PCDH15: variants seen among roughly 807,000 people sequenced by gnomAD.
PCDH15 encodes protocadherin related 15, also known as protocadherin-15.
Under a neutral mutation model 178.5 loss-of-function variants are expected in PCDH15, and 129 were observed. The observed-to-expected ratio is 0.72, with a 90% confidence interval of 0.63 to 0.84. The LOEUF (loss-of-function observed/expected upper bound fraction) is 0.84. PCDH15 is among the 40% of genes least tolerant of loss of function. PCDH15 has a pLI of 0.00. For synonymous variants in PCDH15, 800 were observed against 732.0 expected (o/e 1.09, Z -1.50); for missense variants, 2,230 against 2,099.9 (o/e 1.06, Z -1.21).
chr10:53,903,438 A>C lies in PCDH15; in HGVS notation c.3374-68T>G, dbSNP rs10740559. 1,108,181 of 1,576,390 alleles carry C rather than the reference A, an allele frequency of 0.7. 395,356 individuals carry two copies. Among genetic ancestry groups the C allele is most frequent in the East Asian group, 1 (44,350 of 44,394 alleles). On this transcript the variant is annotated intron_variant, in intron 25 of 37. Transcript: ENST00000644397. ...ATGGGGGAAAAAATGCACTGAAGTA[A>C]ATATTTGCTGCACTTTTTTTTGGAA...
intron 1 of PCDH15, among the ~76,000 whole-genome samples, chr10:54,695,211 A>G (rs945790597): frequency 3.3e-5 from 5 of 152,164 alleles, no homozygotes; most frequent in Admixed American, 1.3e-4. Flanking sequence ...AACTTAAAGT[A>G]TAAACAAAAC....
intron 5 of PCDH15, among the ~76,000 whole-genome samples, chr10:54,356,339 A>G (rs1944967527): frequency 6.6e-6 from 1 of 152,106 alleles, no homozygotes; most frequent in Non-Finnish European, 1.5e-5. Flanking sequence ...ATGAAAGTCA[A>G]GGAAGTATTG....
intron 8 of PCDH15, among the ~76,000 whole-genome samples, chr10:54,277,042 G>C (rs780025456): frequency 5.9e-5 from 9 of 151,324 alleles, no homozygotes; most frequent in Admixed American, 2.6e-4. Flanking sequence ...AATTCAGCAC[G>C]TTTTTTTTCC....
intron 2 of PCDH15, among the ~76,000 whole-genome samples, chr10:55,380,802 C>T (rs1163587922): frequency 6.6e-6 from 1 of 152,144 alleles, no homozygotes; most frequent in Non-Finnish European, 1.5e-5. Context: ...CTGCCAGCAT[C>T]CATGAAACTG....
intron 3 of PCDH15, among the ~76,000 whole-genome samples, chr10:54,837,660 T>G (rs1953340736): frequency 6.6e-6 from 1 of 151,836 alleles, no homozygotes; most frequent in African/African-American, 2.4e-5. Context: ...TATAATAGAG[T>G]GATGATGTCA....
At chr10:54,944,653 T>TA (rs1838148996) in intron 2 of PCDH15, among the ~76,000 whole-genome samples, 2 of 151,940 alleles carry the variant, frequency 1.3e-5, no homozygotes, top group African/African-American at 4.8e-5. Context: ...AAGAAGCATT[T>TA]AAAAAATTAT....
At chr10:54,328,438 A>C (rs1938659457) in intron 7 of PCDH15, among the ~76,000 whole-genome samples, 1 of 152,030 alleles carries the variant, frequency 6.6e-6, no homozygotes, top group Admixed American at 6.6e-5. Flanking sequence ...AAGAAAAGAA[A>C]AATGTTTTCA....
chr10:54,388,096 T>C (rs1176517319), intron 3 of PCDH15, among the ~76,000 whole-genome samples: 1 of 152,166 alleles, frequency 6.6e-6, no homozygotes, highest in Non-Finnish European at 1.5e-5. Flanking sequence ...ACCACTGAAC[T>C]GTACACTCAG....
At chr10:54,254,859 G>A (rs201517191) in intron 8 of PCDH15, among the ~76,000 whole-genome samples, 3 of 152,106 alleles carry the variant, frequency 2.0e-5, no homozygotes, top group Non-Finnish European at 4.4e-5. Flanking sequence ...TTTGCCCACC[G>A]GGTCTCTGGA....
chr10:54,925,228 G>T (rs1253466797), intron 2 of PCDH15, among the ~76,000 whole-genome samples: 1 of 151,982 alleles, frequency 6.6e-6, no homozygotes, highest in African/African-American at 2.4e-5. Context: ...TGCTTTTGTT[G>T]ACTTTGCTGA....
chr10:54,470,679 G>T (rs542853605), intron 3 of PCDH15, among the ~76,000 whole-genome samples: 1 of 152,206 alleles, frequency 6.6e-6, no homozygotes, highest in African/African-American at 2.4e-5. Flanking sequence ...GACCACTGGG[G>T]AGCATTTGCT....
At chr10:54,783,004 C>T (rs1421923894) in intron 1 of PCDH15, among the ~76,000 whole-genome samples, 1 of 152,032 alleles carries the variant, frequency 6.6e-6, no homozygotes, top group Non-Finnish European at 1.5e-5. Context: ...AAAAGCTACT[C>T]CATAAAATTG....
At chr10:55,578,511 G>C (rs1298130598) in intron 2 of PCDH15, among the ~76,000 whole-genome samples, 1 of 152,070 alleles carries the variant, frequency 6.6e-6, no homozygotes. Flanking sequence ...AAGCCACTGC[G>C]CCCGGCCTGA....
chr10:54,505,006 G>A (rs921863074), intron 3 of PCDH15, among the ~76,000 whole-genome samples: 8 of 152,002 alleles, frequency 5.3e-5, no homozygotes, highest in African/African-American at 9.7e-5. Flanking sequence ...CCAGCTGGTC[G>A]GTTCTGAGAT....
intron 6 of PCDH15, among the ~76,000 whole-genome samples, chr10:54,345,763 C>T (rs1943136156): frequency 7.8e-6 from 1 of 129,006 alleles, no homozygotes; most frequent in Non-Finnish European, 1.6e-5. Context: ...GATCACGCCA[C>T]TGCACTCCAG....
rs145117391 is a variant in PCDH15 at position 53,930,030 on chromosome 10, G to A, written c.3373+8785C>T. On this transcript the variant is annotated intron_variant, in intron 25 of 37. Transcript: ENST00000644397. Reference sequence around the variant, plus strand: ...GCTTCTATAGATGTTCTGGGTACAGGCTTCTTGAAGCTTCTTTGGGACCAA... The same window carrying A: ...GCTTCTATAGATGTTCTGGGTACAGACTTCTTGAAGCTTCTTTGGGACCAA... Among the ~76,000 whole-genome samples the A allele has an allele frequency of 1.3e-5, 2 of 152,220 alleles. 1 individual carries two copies. The highest frequency in any genetic ancestry group is 2.9e-5 in the Non-Finnish European group (2 of 67,988).
At position 55,334,175 on chromosome 10, in the gene PCDH15, T is replaced by C. The variant is rs188683357; in HGVS notation, c.-155-167524A>G. Among the ~76,000 whole-genome samples the C allele has an allele frequency of 3.8e-3, 558 of 145,298 alleles. 6 individuals are homozygous for C. The highest frequency in any genetic ancestry group is 0.014 in the African/African-American group (527 of 38,010). On this transcript the variant is annotated intron_variant, in intron 2 of 5. Transcript: ENST00000613346. ...GATATTTGATTTTGTGAAATGCATT[T>C]AGTTTCCCGTATCTCATTACTCTGA...
chr10:54,978,308 T>C (rs1402922530), intron 2 of PCDH15, among the ~76,000 whole-genome samples: 9 of 152,234 alleles, frequency 5.9e-5, no homozygotes, highest in Non-Finnish European at 1.0e-4. Flanking sequence ...TTTGGAATTT[T>C]AGTGATAGTC....
intron 2 of PCDH15, among the ~76,000 whole-genome samples, chr10:54,641,563 A>G (rs1218884203): frequency 6.7e-6 from 1 of 149,994 alleles, no homozygotes; most frequent in Admixed American, 6.6e-5. Context: ...AATCATACAC[A>G]GGTACACATA....
Sources: allele counts gnomAD v4.1 joint callset (sites outside exome capture counted in the v4.1 genomes callset), GRCh38; gene constraint gnomAD v4.1.1; transcripts MANE v1.5; gene names NCBI Gene and HGNC (gene_info 2026-07-23, HGNC 2026-07-21).